Variants in ZCCHC7 observed in about 807,000 individuals in gnomAD.
ZCCHC7 encodes the protein zinc finger CCHC-type containing 7.
In ZCCHC7, 35 loss-of-function variants were observed where a neutral mutation model predicts 52.0. The ratio of observed to expected loss-of-function variants is 0.67; its 90% CI spans 0.51 to 0.89. ZCCHC7 has a LOEUF of 0.89. Among genes scored for constraint, ZCCHC7 ranks in the 40% least tolerant of loss-of-function variants. ZCCHC7 has a pLI of 0.00. For synonymous variants in ZCCHC7, 217 were observed against 221.5 expected (o/e 0.98, Z 0.18); for missense variants, 574 against 649.1 (o/e 0.88, Z 1.26).
chr9:37,136,804 T>C (rs1843018148), intron 2 of ZCCHC7, among the ~76,000 whole-genome samples: 1 of 151,980 alleles, frequency 6.6e-6, no homozygotes, highest in Non-Finnish European at 1.5e-5. Context: ...TTGTGTTGTT[T>C]TGTTTTGTAG....
intron 2 of ZCCHC7, among the ~76,000 whole-genome samples, chr9:37,240,359 A>G (rs886660267): frequency 1.3e-5 from 2 of 151,906 alleles, no homozygotes; most frequent in African/African-American, 4.8e-5. Flanking sequence ...ATGTGCCATT[A>G]AGTATTGTTA....
intron 2 of ZCCHC7, among the ~76,000 whole-genome samples, chr9:37,183,865 C>A (rs1053347383): frequency 1.2e-4 from 18 of 152,220 alleles, no homozygotes; most frequent in Non-Finnish European, 1.8e-4. Context: ...GCTCCAGAGT[C>A]TACACGCTGA....
At chr9:37,293,051 CAT>C (rs1190023935) in intron 2 of ZCCHC7, among the ~76,000 whole-genome samples, 1 of 152,050 alleles carries the variant, frequency 6.6e-6, no homozygotes, top group Non-Finnish European at 1.5e-5. Flanking sequence ...TTGAGGCACT[CAT>C]AACAATAGGG....
At chr9:37,306,195 G>A (rs900461984) in intron 5 of ZCCHC7, among the ~76,000 whole-genome samples, 1 of 151,736 alleles carries the variant, frequency 6.6e-6, no homozygotes, top group Non-Finnish European at 1.5e-5. Flanking sequence ...AGCCTCCCGA[G>A]TAGCTGGGGC....
chr9:37,321,368 A>G (rs1252365559), intron 5 of ZCCHC7, among the ~76,000 whole-genome samples: 1 of 151,958 alleles, frequency 6.6e-6, no homozygotes, highest in Non-Finnish European at 1.5e-5. Flanking sequence ...GCCTGAAGTG[A>G]TCCTCCCACC....
intron 5 of ZCCHC7, among the ~76,000 whole-genome samples, chr9:37,312,468 GATAA>G (rs1588654702): frequency 6.6e-6 from 1 of 152,354 alleles, no homozygotes; most frequent in East Asian, 1.9e-4. Context: ...TCAGGGTGGT[GATAA>G]ATAAAAGAGT....
At chr9:37,294,559 T>C (rs1365265844) in intron 2 of ZCCHC7, among the ~76,000 whole-genome samples, 2 of 152,184 alleles carry the variant, frequency 1.3e-5, no homozygotes, top group African/African-American at 4.8e-5. Context: ...AAGAACTGGT[T>C]ATTACAGAAA....
In ZCCHC7 at chr9:37,272,878, A is replaced by T. The variant is rs56164589; in HGVS notation, c.611-29310A>T. On this transcript the variant is annotated intron_variant, in intron 2 of 8. Transcript: ENST00000336755. ...TTTTTTAACTACTGTATAGTATTCT[A>T]TTGTATGATTGCACCACCAATGTAT... Among the ~76,000 whole-genome samples the T allele has an allele frequency of 1.3e-3, 191 of 152,290 alleles. 1 individual carries two copies. Among genetic ancestry groups the T allele is most frequent in the African/African-American group, 4.3e-3 (180 of 41,548 alleles).
At chr9:37,311,860 A>G (rs1016584443) in intron 5 of ZCCHC7, among the ~76,000 whole-genome samples, 1 of 152,198 alleles carries the variant, frequency 6.6e-6, no homozygotes, top group Non-Finnish European at 1.5e-5. Flanking sequence ...TTTCTTCAAT[A>G]AATATATATG....
intron 2 of ZCCHC7, among the ~76,000 whole-genome samples, chr9:37,212,320 A>AT (rs1288829488): frequency 1.3e-5 from 2 of 151,972 alleles, no homozygotes; most frequent in African/African-American, 4.8e-5. Context: ...TAAAAAAAAA[A>AT]TTTTACTTAG....
At chr9:37,283,426 G>T (rs947019522) in intron 2 of ZCCHC7, among the ~76,000 whole-genome samples, 1 of 152,060 alleles carries the variant, frequency 6.6e-6, no homozygotes, top group Admixed American at 6.5e-5. Context: ...TACTCCTATT[G>T]TTTGAAAACA....
chr9:37,235,058 C>T (rs1391099835), intron 2 of ZCCHC7, among the ~76,000 whole-genome samples: 1 of 152,164 alleles, frequency 6.6e-6, no homozygotes, highest in East Asian at 1.9e-4. Context: ...GTATCCATCA[C>T]CTCAAACATT....
At chr9:37,178,608 C>T (rs183465465) in intron 2 of ZCCHC7, among the ~76,000 whole-genome samples, 5 of 152,208 alleles carry the variant, frequency 3.3e-5, no homozygotes, top group African/African-American at 7.2e-5. Context: ...AAAGATTTAA[C>T]GCGGTGTTGG....
At chr9:37,265,063 G>T (rs889876699) in intron 2 of ZCCHC7, among the ~76,000 whole-genome samples, 3 of 152,124 alleles carry the variant, frequency 2.0e-5, no homozygotes, top group African/African-American at 7.2e-5. Flanking sequence ...GAAAACAGAT[G>T]TTCTTCCTCC....
At chr9:37,180,587 G>T (rs12351521) in intron 2 of ZCCHC7, among the ~76,000 whole-genome samples, 1 of 152,040 alleles carries the variant, frequency 6.6e-6, no homozygotes, top group East Asian at 1.9e-4. Context: ...CTTATTTATA[G>T]AGGAATAATT....
chr9:37,351,235 T>A (rs1821358704), intron 7 of ZCCHC7, among the ~76,000 whole-genome samples: 1 of 152,182 alleles, frequency 6.6e-6, no homozygotes, highest in African/African-American at 2.4e-5. Context: ...GACTCAACCA[T>A]GTGATGTAAA....
chr9:37,149,765 C>G (rs1487395931), intron 2 of ZCCHC7, among the ~76,000 whole-genome samples: 2 of 152,078 alleles, frequency 1.3e-5, no homozygotes, highest in African/African-American at 4.8e-5. Context: ...ATATAAAAGT[C>G]TATGTAAGTT....
intron 5 of ZCCHC7, among the ~76,000 whole-genome samples, chr9:37,316,011 A>G (rs2117899736): frequency 6.8e-6 from 1 of 146,344 alleles, no homozygotes; most frequent in South Asian, 2.1e-4. Context: ...CGTCTTCCTC[A>G]GTCTCAAAAA....
intron 2 of ZCCHC7, among the ~76,000 whole-genome samples, chr9:37,158,183 G>T (rs1820915096): frequency 6.6e-6 from 1 of 152,226 alleles, no homozygotes; most frequent in Admixed American, 6.5e-5. Context: ...GTAGAGATTT[G>T]TTAAGAGAGC....
Sources: allele counts gnomAD v4.1 joint callset (sites outside exome capture counted in the v4.1 genomes callset), GRCh38; gene constraint gnomAD v4.1.1; transcripts MANE v1.5; gene names NCBI Gene and HGNC (gene_info 2026-07-23, HGNC 2026-07-21).